Variants in CCDC33 observed in about 807,000 individuals in gnomAD.
CCDC33 encodes the protein coiled-coil domain-containing protein 33.
Under a neutral mutation model 91.9 loss-of-function variants are expected in CCDC33, and 94 were observed. The observed-to-expected ratio is 1.02, with a 90% CI of 0.87 to 1.21. The LOEUF (loss-of-function observed/expected upper bound fraction) is 1.21. Among genes scored for constraint, CCDC33 ranks in the 50% most tolerant of loss-of-function variants. The pLI is 0.00. For synonymous variants in CCDC33, 396 were observed against 374.5 expected (o/e 1.06, Z -0.66); for missense variants, 940 against 935.5 (o/e 1.00, Z -0.06).
rs1460227354 is a variant in CCDC33, at chr15:74,244,572, C to A, written c.185+424C>A. 1.3e-5 allele frequency among the ~76,000 whole-genome samples: 2 copies of A among 151,866 alleles called. No individual in the cohort carries two copies. The highest frequency in any genetic ancestry group is 2.9e-5 in the Non-Finnish European group (2 of 67,958). ...CCCTGGGGTAGGGTCCTCATAACCA[C>A]CCTCCCCTCCTCCCCTCCTTCTCCA... On this transcript the variant is annotated intron_variant, in intron 2 of 18. Transcript: ENST00000398814. The surrounding 1 kb of genome is among the most constrained non-coding windows in gnomAD (Gnocchi z 4.2).
At chr15:74,221,849 G>A (rs770113214) in intron 2 of CCDC33, among the ~76,000 whole-genome samples, 6 of 152,156 alleles carry the variant, frequency 3.9e-5, no homozygotes, top group East Asian at 1.9e-4. Context: ...CACTACACTC[G>A]TCCCACCCCC....
At chr15:74,294,452 A>C (rs4887126) in intron 10 of CCDC33, among the ~76,000 whole-genome samples, 14 of 122,542 alleles carry the variant, frequency 1.1e-4, no homozygotes, top group African/African-American at 2.0e-4. Context: ...AAAAAAAAAA[A>C]ACAAAAAAAA....
chr15:74,245,950 G>A (rs1271804029), intron 2 of CCDC33, among the ~76,000 whole-genome samples: 1 of 152,292 alleles, frequency 6.6e-6, no homozygotes, highest in East Asian at 1.9e-4. Context: ...TGTGAAGGCC[G>A]AGCTGTCAGG....
At chr15:74,219,742 A>G (rs1196867788) in intron 2 of CCDC33, among the ~76,000 whole-genome samples, 1 of 152,140 alleles carries the variant, frequency 6.6e-6, no homozygotes, top group African/African-American at 2.4e-5. Flanking sequence ...TCCATCAGAC[A>G]TTTGTTAAAT....
rs116335086 is a variant in CCDC33, at chr15:74,262,880, C to T, written c.319+307C>T. Among the ~76,000 whole-genome samples the T allele has an allele frequency of 2.1e-3, 315 of 152,272 alleles. 1 individual carries two copies. The highest frequency in any genetic ancestry group is 7.4e-3 in the African/African-American group (307 of 41,538). ...CTCCTACTGAAACAGGACATTACAG[C>T]TTCCTGGCACGTCCCCACACATCAC... On this transcript the variant is annotated intron_variant, in intron 3 of 18. Coordinates refer to ENST00000398814, the MANE Select transcript of CCDC33 (RefSeq NM_025055.5).
Position 74,244,882 on chromosome 15 carries a change from C to CG in CCDC33, c.185+736dup, listed in dbSNP as rs1054112775. ...CACCCCTAGACCTTCTATAGACAGA[C>CG]GGCGGGAGCCTTGGTGGCCTCCCAC... On this transcript the variant is annotated intron_variant, in intron 2 of 18. Transcript: ENST00000398814. This position sits in a 1 kb window ranked among gnomAD's most constrained non-coding sequence, Gnocchi z 4.2. Among the ~76,000 whole-genome samples, 5 of 152,178 alleles carry CG rather than the reference C, an allele frequency of 3.3e-5. No homozygotes were observed. Among genetic ancestry groups the CG allele is most frequent in the African/African-American group, 1.2e-4 (5 of 41,430 alleles).
chr15:74,252,473 T>C (rs1479276389), intron 2 of CCDC33, among the ~76,000 whole-genome samples: 1 of 152,234 alleles, frequency 6.6e-6, no homozygotes, highest in African/African-American at 2.4e-5. Flanking sequence ...TTGCTGATGA[T>C]GTTCCACTCG....
intron 1 of CCDC33, among the ~76,000 whole-genome samples, chr15:74,206,833 G>A (rs1448290007): frequency 1.3e-5 from 2 of 152,252 alleles, no homozygotes; most frequent in African/African-American, 2.4e-5. Flanking sequence ...GGGCTCCCTC[G>A]CTGTGACCAG....
chr15:74,297,459 G>A (rs934232897), intron 11 of CCDC33, among the ~76,000 whole-genome samples: 7 of 152,150 alleles, frequency 4.6e-5, no homozygotes, highest in South Asian at 2.1e-4. Context: ...TGGGCAGGCC[G>A]AGGTGGGAGG....
At chr15:74,212,359 A>T (rs1030219236), upstream of CCDC33, 5 of 152,274 alleles carry the variant, frequency 3.3e-5, no homozygotes, top group Admixed American at 2.6e-4. Flanking sequence ...AGTCTGGCAG[A>T]GGGGGGCTGT....
At position 74,311,959 on chromosome 15, in the gene CCDC33, C is replaced by G. The variant is rs1340418634; in HGVS notation, c.1290+16011C>G. ...AGGGGCCGCTTTTCTTTCTTGGTAG[C>G]TTCAGACAGTGACCGAGAAGAGATG... On this transcript the variant is annotated intron_variant, in intron 11 of 18. Coordinates refer to ENST00000398814, the MANE Select transcript of CCDC33 (RefSeq NM_025055.5). 5 of 152,358 alleles carry G rather than the reference C, an allele frequency of 3.3e-5. No individual in the cohort carries two copies. The East Asian group carries it at 9.6e-4, about 29-fold the overall frequency. 9.4% of individuals were successfully genotyped at this position (152,358 alleles called of 1,614,324 possible).
At chr15:74,285,779 A>G (rs534620520) in intron 10 of CCDC33, among the ~76,000 whole-genome samples, 2 of 152,330 alleles carry the variant, frequency 1.3e-5, no homozygotes, top group African/African-American at 4.8e-5. Context: ...TGCTGCTTAA[A>G]GTGATCTGCA....
At chr15:74,278,481 C>A (rs890885144) in intron 7 of CCDC33, among the ~76,000 whole-genome samples, 2 of 152,230 alleles carry the variant, frequency 1.3e-5, no homozygotes, top group African/African-American at 2.4e-5. Flanking sequence ...GACCCGCAGC[C>A]CCGCCCTGTG....
At chr15:74,303,730 C>G (rs1365859934) in intron 11 of CCDC33, 1 of 152,826 alleles carries the variant, frequency 6.5e-6, no homozygotes, top group East Asian at 1.9e-4. Context: ...TTCTCAGGGC[C>G]CCAGCCCTCC....
At chr15:74,281,755 G>C in intron 9 of CCDC33, 23 bp from the exon 10 acceptor site, 1 of 1,608,522 alleles carries the variant, frequency 6.2e-7, no homozygotes, top group Non-Finnish European at 8.5e-7. Context: ...AGCATGGTCT[G>C]AGTGCTCCCT....
intron 10 of CCDC33, among the ~76,000 whole-genome samples, chr15:74,288,928 T>C (rs77878161): frequency 0.011 from 1,748 of 152,274 alleles, 42 homozygotes; most frequent in African/African-American, 0.04. Context: ...AGGAACATAG[T>C]GAAGATTGAA....
At position 74,332,072 on chromosome 15, in the gene CCDC33, A is replaced by G. The variant is rs185031284; in HGVS notation, c.1772-607A>G. ...AAATGATTTGGAGGTTTTCTTCCCC[A>G]TCGATATTAACCAAAAGCCACCTAA... On this transcript the variant is annotated intron_variant, in intron 15 of 18. Coordinates refer to ENST00000398814, the MANE Select transcript of CCDC33 (RefSeq NM_025055.5). Among the ~76,000 whole-genome samples the G allele has an allele frequency of 5.3e-3, 814 of 152,274 alleles. 3 individuals are homozygous for G. The highest frequency in any genetic ancestry group is 0.01 in the Middle Eastern group (3 of 294).
chr15:74,254,474 G>A (rs991641830), intron 2 of CCDC33, among the ~76,000 whole-genome samples: 14 of 152,172 alleles, frequency 9.2e-5, no homozygotes, highest in Admixed American at 6.5e-4. Context: ...AACCCAACTC[G>A]GACACCACCG....
chr15:74,244,243 A>T lies in CCDC33; in HGVS notation c.185+95A>T, dbSNP rs902387003. 16 of 1,479,750 alleles carry T rather than the reference A, an allele frequency of 1.1e-5. No individual in the cohort carries two copies. The highest frequency in any genetic ancestry group is 1.4e-5 in the Non-Finnish European group (15 of 1,097,768). 91.7% of individuals were successfully genotyped at this position (1,479,750 alleles called of 1,614,324 possible). On this transcript the variant is annotated intron_variant, in intron 2 of 18. Transcript: ENST00000398814. This position sits in a 1 kb window ranked among gnomAD's most constrained non-coding sequence, Gnocchi z 4.2. ...TTGGAATACTAGCACCCAAAGGCCC[A>T]GGACTGGGACTGTCATACCCAGAGG...
Sources: allele counts gnomAD v4.1 joint callset (sites outside exome capture counted in the v4.1 genomes callset), GRCh38; gene constraint gnomAD v4.1.1; non-coding constraint Gnocchi (gnomAD v3.1); transcripts MANE v1.5; gene names NCBI Gene and HGNC (gene_info 2026-07-23, HGNC 2026-07-21).